RGS7: variants seen among roughly 807,000 people sequenced by gnomAD.
The protein encoded by RGS7 is regulator of G-protein signaling 7.
Under a neutral mutation model 81.1 loss-of-function variants are expected in RGS7, and 27 were observed. That is an observed-to-expected ratio of 0.33 (90% CI 0.25 to 0.46). The LOEUF (loss-of-function observed/expected upper bound fraction) is 0.46. Among genes scored for constraint, RGS7 ranks in the 20% least tolerant of loss-of-function variants. The probability of loss-of-function intolerance (pLI) is 1.00; values close to 1 mark genes in which losing one functional copy is unlikely to be tolerated. For synonymous variants in RGS7, 208 were observed against 207.7 expected (o/e 1.00, Z -0.01); for missense variants, 396 against 607.4 (o/e 0.65, Z 3.66).
intron 2 of RGS7, among the ~76,000 whole-genome samples, chr1:241,327,121 A>AGAAAGAAAGAAAGAAAGAAAGAAG (rs2081618192): frequency 2.7e-5 from 3 of 111,488 alleles, no homozygotes; most frequent in African/African-American, 1.0e-4. Flanking sequence ...AAAGAAAGAA[A>AGAAAGAAAGAAAGAAAGAAAGAAG]GAAAGAAAGA....
intron 14 of RGS7, among the ~76,000 whole-genome samples, chr1:240,807,890 C>T (rs1689147010): frequency 6.6e-6 from 1 of 152,032 alleles, no homozygotes; most frequent in Admixed American, 6.6e-5. Flanking sequence ...CAAAAATTAG[C>T]TGGGTGTGGT....
chr1:240,833,350 T>C (rs1464745740), intron 9 of RGS7, among the ~76,000 whole-genome samples: 1 of 152,228 alleles, frequency 6.6e-6, no homozygotes, highest in Non-Finnish European at 1.5e-5. Flanking sequence ...TACAAACTTA[T>C]GCATTGTTTC....
chr1:241,202,900 A>T (rs1183961752), intron 2 of RGS7, among the ~76,000 whole-genome samples: 1 of 152,166 alleles, frequency 6.6e-6, no homozygotes, highest in Non-Finnish European at 1.5e-5. Context: ...GTAAGAGGCC[A>T]GAGACAGGAG....
At chr1:240,896,073 C>T (rs1669045129) in intron 6 of RGS7, among the ~76,000 whole-genome samples, 1 of 152,200 alleles carries the variant, frequency 6.6e-6, no homozygotes, top group African/African-American at 2.4e-5. Flanking sequence ...CTTTTGGCTG[C>T]ATAAATGTCT....
chr1:241,319,625 A>T (rs2081094877), intron 2 of RGS7, among the ~76,000 whole-genome samples: 3 of 152,040 alleles, frequency 2.0e-5, no homozygotes, highest in African/African-American at 7.2e-5. Flanking sequence ...CCTGGCCTTA[A>T]GTGATCCTCC....
At chr1:241,126,584 G>A (rs1042960774) in intron 2 of RGS7, among the ~76,000 whole-genome samples, 45 of 152,164 alleles carry the variant, frequency 3.0e-4, no homozygotes, top group Non-Finnish European at 4.9e-4. Context: ...GCATTTTGTT[G>A]CCTCAGCTTC....
At chr1:241,030,005 T>C (rs2059985505) in intron 3 of RGS7, among the ~76,000 whole-genome samples, 2 of 152,208 alleles carry the variant, frequency 1.3e-5, no homozygotes, top group African/African-American at 4.8e-5. Flanking sequence ...AAAGTCTTTC[T>C]AGAATGACGC....
chr1:241,167,347 C>T (rs920318691), intron 2 of RGS7, among the ~76,000 whole-genome samples: 3 of 152,168 alleles, frequency 2.0e-5, no homozygotes, highest in African/African-American at 7.2e-5. Context: ...TAAATAAAGT[C>T]ACCAACTTCT....
intron 9 of RGS7, among the ~76,000 whole-genome samples, chr1:240,833,497 C>T (rs1177990661): frequency 1.3e-5 from 2 of 152,126 alleles, no homozygotes; most frequent in African/African-American, 4.8e-5. Context: ...AAATTTTTCA[C>T]CCTTACTGTG....
intron 2 of RGS7, among the ~76,000 whole-genome samples, chr1:241,240,213 C>T (rs1181373888): frequency 6.6e-6 from 1 of 152,134 alleles, no homozygotes; most frequent in African/African-American, 2.4e-5. Flanking sequence ...ACAGCTGAGT[C>T]ATCTGATGGA....
intron 2 of RGS7, among the ~76,000 whole-genome samples, chr1:241,280,975 T>A (rs1235522602): frequency 6.6e-6 from 1 of 152,262 alleles, no homozygotes; most frequent in African/African-American, 2.4e-5. Flanking sequence ...ATTTTTTCAA[T>A]AAATATACTA....
intron 2 of RGS7, among the ~76,000 whole-genome samples, chr1:241,156,658 G>A (rs2069180388): frequency 6.6e-6 from 1 of 152,082 alleles, no homozygotes; most frequent in African/African-American, 2.4e-5. Context: ...GTCTCAAAGA[G>A]CAGCCAGCAG....
At chr1:240,921,636 T>C (rs918518008) in intron 6 of RGS7, among the ~76,000 whole-genome samples, 14 of 151,958 alleles carry the variant, frequency 9.2e-5, no homozygotes, top group Non-Finnish European at 1.8e-4. Context: ...AAAATTGAAA[T>C]ATGAATTTCA....
At chr1:241,138,042 G>A (rs1308686292) in intron 2 of RGS7, among the ~76,000 whole-genome samples, 1 of 151,874 alleles carries the variant, frequency 6.6e-6, no homozygotes, top group African/African-American at 2.4e-5. Flanking sequence ...GTGGTGGCAG[G>A]TGCCTGTAAT....
chr1:241,089,057 CTCTCTCTATA>C (rs1476762685), intron 3 of RGS7, among the ~76,000 whole-genome samples: 16 of 48,606 alleles, frequency 3.3e-4, no homozygotes, highest in Non-Finnish European at 5.1e-4. Context: ...CTCTCTCTCT[CTCTCTCTATA>C]TATATATATA....
At chr1:241,132,743 T>TTA (rs1319765339) in intron 2 of RGS7, among the ~76,000 whole-genome samples, 1 of 127,210 alleles carries the variant, frequency 7.9e-6, no homozygotes, top group East Asian at 2.1e-4. Context: ...AACTTATTAT[T>TTA]TGTTTGTTTG....
intron 9 of RGS7, 60 bp from the exon 10 acceptor site, chr1:240,827,232 C>A: frequency 7.4e-7 from 1 of 1,349,064 alleles, no homozygotes; most frequent in Non-Finnish European, 1.1e-6. Flanking sequence ...CTGACCAGGA[C>A]AATCATGAAT....
Position 241,115,308 on chromosome 1 carries a change from G to A in RGS7, c.79-16546C>T, listed in dbSNP as rs116806094. 7.9e-3 allele frequency among the ~76,000 whole-genome samples: 1,203 copies of A among 152,168 alleles called. 31 individuals carry two copies. The highest frequency in any genetic ancestry group is 0.028 in the African/African-American group (1,151 of 41,512). On this transcript the variant is annotated intron_variant, in intron 2 of 18. Coordinates refer to ENST00000440928, the MANE Select transcript of RGS7 (RefSeq NM_001364886.1). The stretch of plus-strand genomic sequence containing the variant: ...ACAGAATGGTTCATGCTGAACCTCC[G>A]AATTAAGTTGTTGGTTTAAATTTTT...
At chr1:241,106,932 T>C (rs1385879336) in intron 2 of RGS7, among the ~76,000 whole-genome samples, 2 of 151,668 alleles carry the variant, frequency 1.3e-5, no homozygotes, top group African/African-American at 2.4e-5. Flanking sequence ...CTCTCATTCA[T>C]CTCAAGGAAT....
Sources: allele counts gnomAD v4.1 joint callset (sites outside exome capture counted in the v4.1 genomes callset), GRCh38; gene constraint gnomAD v4.1.1; transcripts MANE v1.5; gene names NCBI Gene and HGNC (gene_info 2026-07-23, HGNC 2026-07-21).